PLEKHA7: variants seen among roughly 807,000 people sequenced by gnomAD.
PLEKHA7 encodes the protein pleckstrin homology domain containing A7, also known as pleckstrin homology domain-containing family A member 7.
In PLEKHA7, 104 loss-of-function variants were observed where a neutral mutation model predicts 170.0. The observed-to-expected ratio is 0.61, with a 90% CI of 0.52 to 0.72. PLEKHA7 has a LOEUF of 0.72. PLEKHA7 is among the 30% of genes least tolerant of loss of function. The probability of loss-of-function intolerance (pLI) is 0.00; values close to 1 mark genes in which losing one functional copy is unlikely to be tolerated. For missense variants in PLEKHA7, 1,615 were observed against 1,671.7 expected, an observed-to-expected ratio of 0.97 and a Z score of 0.59; for synonymous variants, 648 against 660.8, an observed-to-expected ratio of 0.98 and a Z score of 0.30.
rs1384553689 is a variant in PLEKHA7, at chr11:16,817,493, G to A, written c.1344-171C>T. The A allele has an allele frequency of 1.6e-6, 1 of 621,884 alleles. No individual in the cohort carries two copies. Among genetic ancestry groups the A allele is most frequent in the Non-Finnish European group, 2.6e-6 (1 of 388,662 alleles). 38.5% of individuals were successfully genotyped at this position (621,884 alleles called of 1,614,324 possible). A position where few individuals can be genotyped will look rare whatever the true frequency, so the allele number is the denominator to read the frequency against. On this transcript the variant is annotated intron_variant, in intron 10 of 26. Coordinates refer to ENST00000531066, the MANE Select transcript of PLEKHA7 (RefSeq NM_001329630.2). This position sits in a 1 kb window ranked among gnomAD's most constrained non-coding sequence, Gnocchi z 4.4. Reference sequence around the variant, plus strand: ...ACTTCAGTCACTTCCCCTTTTGGCAGACGACTCCAAAACCATTTTTCTCTG... The same window carrying A: ...ACTTCAGTCACTTCCCCTTTTGGCAAACGACTCCAAAACCATTTTTCTCTG...
At position 16,789,308 on chromosome 11, in the gene PLEKHA7, G is replaced by GC; in HGVS notation, c.3157-13_3157-12insG. 6.2e-7 allele frequency: 1 copy of GC among 1,612,122 alleles called. No individual in the cohort carries two copies. Among genetic ancestry groups the GC allele is most frequent in the Non-Finnish European group, 8.5e-7 (1 of 1,179,854 alleles). ...GCACTCTTAGGTCTCTGAGGAAGAG[G>GC]AGGCAGGCAAGAGAGACACAGAACA... On this transcript the variant is annotated splice_polypyrimidine_tract_variant and intron_variant, in intron 22 of 26. Coordinates refer to ENST00000531066, the MANE Select transcript of PLEKHA7 (RefSeq NM_001329630.2). The surrounding 1 kb of genome is among the most constrained non-coding windows in gnomAD (Gnocchi z 4.6).
chr11:16,803,200 G>A lies in PLEKHA7; in HGVS notation c.2076+27C>T, dbSNP rs780501428. 71 of 1,606,062 alleles carry A rather than the reference G, an allele frequency of 4.4e-5. No individual in the cohort carries two copies. In the African/African-American group the frequency reaches 8.8e-4, roughly 20 times the overall value. ...GGTCTGGGTCAGGAGGCAGCTGAGG[G>A]GTCAGCGTGTCACTCTGCTCACTCA... On this transcript the variant is annotated intron_variant, in intron 14 of 26. Coordinates refer to ENST00000531066, the MANE Select transcript of PLEKHA7 (RefSeq NM_001329630.2).
intron 4 of PLEKHA7, among the ~76,000 whole-genome samples, chr11:16,869,572 C>T (rs1854665124): frequency 6.6e-6 from 1 of 152,216 alleles, no homozygotes; most frequent in African/African-American, 2.4e-5. Flanking sequence ...AGCTTTCTAG[C>T]TTTAAACGTA....
intron 6 of PLEKHA7, 70 bp from the exon 7 acceptor site, chr11:16,852,425 C>A (rs1853051482): frequency 3.0e-6 from 4 of 1,354,256 alleles, no homozygotes; most frequent in Non-Finnish European, 4.1e-6. Flanking sequence ...GCATGCACAA[C>A]CTGATTCCAG....
chr11:16,907,335 G>C (rs1439450663), intron 3 of PLEKHA7, among the ~76,000 whole-genome samples: 2 of 141,884 alleles, frequency 1.4e-5, no homozygotes, highest in East Asian at 4.4e-4. Context: ...GCCCCTACTG[G>C]GAAGAGAGGA....
At chr11:16,869,406 A>G (rs1854651670) in intron 4 of PLEKHA7, among the ~76,000 whole-genome samples, 1 of 152,232 alleles carries the variant, frequency 6.6e-6, no homozygotes, top group Non-Finnish European at 1.5e-5. Context: ...TGGCTCTCCT[A>G]AGCTGTGTGT....
At chr11:16,807,490 A>C (rs1429680563) in intron 13 of PLEKHA7, among the ~76,000 whole-genome samples, 1 of 152,170 alleles carries the variant, frequency 6.6e-6, no homozygotes, top group Non-Finnish European at 1.5e-5. Flanking sequence ...ACTTTTGCAC[A>C]GGCTGGTTTT....
chr11:16,796,594 G>A (rs576124851), intron 17 of PLEKHA7, among the ~76,000 whole-genome samples: 5 of 152,276 alleles, frequency 3.3e-5, no homozygotes, highest in African/African-American at 4.8e-5. Flanking sequence ...TTGCGGTGAC[G>A]GCTGTATCAT....
chr11:16,919,939 T>C lies in PLEKHA7; in HGVS notation c.222-48757A>G, dbSNP rs577570389. Among the ~76,000 whole-genome samples the C allele has an allele frequency of 1.8e-4, 28 of 152,338 alleles. 1 individual carries two copies. In the South Asian group the frequency reaches 5.6e-3, roughly 30 times the overall value. ...AGCTTCCCTTCTCTGGGATTTGTGATACCAGCCGTTTTTCATAACAGAGGA... is the reference window on the plus strand; with the variant it reads ...AGCTTCCCTTCTCTGGGATTTGTGACACCAGCCGTTTTTCATAACAGAGGA... On this transcript the variant is annotated intron_variant, in intron 3 of 26. Transcript: ENST00000531066.
intron 3 of PLEKHA7, among the ~76,000 whole-genome samples, chr11:16,948,033 G>C (rs932110323): frequency 2.0e-5 from 3 of 152,092 alleles, no homozygotes; most frequent in Non-Finnish European, 2.9e-5. Flanking sequence ...GAAACAACAT[G>C]GTTAAACCTG....
chr11:16,859,803 C>T (rs1291861698), intron 4 of PLEKHA7, among the ~76,000 whole-genome samples: 1 of 152,264 alleles, frequency 6.6e-6, no homozygotes, highest in African/African-American at 2.4e-5. Flanking sequence ...GAAAGGCATT[C>T]AGTTCCCAGC....
At chr11:16,785,495 A>G (rs939385323) in intron 24 of PLEKHA7, among the ~76,000 whole-genome samples, 1 of 152,230 alleles carries the variant, frequency 6.6e-6, no homozygotes, top group African/African-American at 2.4e-5. Flanking sequence ...ACAAAGGTGA[A>G]CCAAGCAGCC....
intron 3 of PLEKHA7, among the ~76,000 whole-genome samples, chr11:16,920,695 G>A (rs572086896): frequency 1.3e-5 from 2 of 152,164 alleles, no homozygotes; most frequent in African/African-American, 2.4e-5. Flanking sequence ...GACTTCAGAC[G>A]TGTCACTCCA....
At chr11:16,880,858 C>G (rs527850833) in intron 3 of PLEKHA7, among the ~76,000 whole-genome samples, 2 of 152,286 alleles carry the variant, frequency 1.3e-5, no homozygotes, top group South Asian at 4.1e-4. Context: ...AATGAGAAGG[C>G]TGGAGCAGGA....
intron 4 of PLEKHA7, among the ~76,000 whole-genome samples, chr11:16,870,202 G>A (rs898877370): frequency 3.3e-5 from 5 of 152,152 alleles, no homozygotes; most frequent in African/African-American, 9.7e-5. Context: ...GTCCAGGGAC[G>A]ATGGGGATTA....
intron 26 of PLEKHA7, among the ~76,000 whole-genome samples, chr11:16,782,448 T>C (rs1192265709): frequency 1.3e-5 from 2 of 152,188 alleles, no homozygotes; most frequent in Admixed American, 6.5e-5. Context: ...AACCTGTTCT[T>C]AGCTCATAGT....
chr11:16,949,509 T>G (rs1306973282), intron 3 of PLEKHA7, among the ~76,000 whole-genome samples: 1 of 152,170 alleles, frequency 6.6e-6, no homozygotes, highest in East Asian at 1.9e-4. Flanking sequence ...AACAAAACAC[T>G]CTATTATACA....
intron 9 of PLEKHA7, among the ~76,000 whole-genome samples, chr11:16,827,750 A>G (rs983392493): frequency 2.6e-5 from 4 of 151,788 alleles, no homozygotes; most frequent in African/African-American, 9.7e-5. Context: ...AACTTGCTCC[A>G]GCTCAGCTCA....
chr11:16,812,792 C>T (rs1849467808), intron 13 of PLEKHA7, among the ~76,000 whole-genome samples: 2 of 152,284 alleles, frequency 1.3e-5, no homozygotes, highest in East Asian at 3.9e-4. Context: ...CACCCCTGCC[C>T]CCACTGGAGA....
Sources: allele counts gnomAD v4.1 joint callset (sites outside exome capture counted in the v4.1 genomes callset), GRCh38; gene constraint gnomAD v4.1.1; non-coding constraint Gnocchi (gnomAD v3.1); transcripts MANE v1.5; gene names NCBI Gene and HGNC (gene_info 2026-07-23, HGNC 2026-07-21).